The following HELZ variants were observed in gnomAD, a reference collection of about 807,000 sequenced individuals.
HELZ encodes helicase with zinc finger.
A neutral mutation model predicts 218.2 loss-of-function variants in HELZ; 23 were observed. The ratio of observed to expected loss-of-function variants is 0.11; its 90% CI spans 0.08 to 0.15. HELZ has a LOEUF of 0.15. HELZ is among the 10% of genes least tolerant of loss of function. The probability of loss-of-function intolerance (pLI) is 1.00; values close to 1 mark genes in which losing one functional copy is unlikely to be tolerated. For missense variants in HELZ, 1,813 were observed against 2,353.7 expected (o/e 0.77, Z 4.75); for synonymous variants, 814 against 829.4 (o/e 0.98, Z 0.32).
chr17:67,222,452 C>T (rs1382900710), intron 3 of HELZ, among the ~76,000 whole-genome samples: 7 of 152,084 alleles, frequency 4.6e-5, no homozygotes, highest in East Asian at 1.9e-4. Flanking sequence ...AGAGATTAAG[C>T]GCAGAACTAT....
intron 30 of HELZ, among the ~76,000 whole-genome samples, chr17:67,107,924 T>C (rs1375531799): frequency 6.6e-6 from 1 of 152,188 alleles, no homozygotes; most frequent in African/African-American, 2.4e-5. Context: ...TCTGTCCTTG[T>C]CTCTATACAG....
intron 3 of HELZ, among the ~76,000 whole-genome samples, chr17:67,230,300 C>T (rs2041001593): frequency 6.6e-6 from 1 of 152,036 alleles, no homozygotes; most frequent in East Asian, 1.9e-4. Flanking sequence ...AAAACCCATA[C>T]TTAAGAAGCA....
intron 31 of HELZ, among the ~76,000 whole-genome samples, chr17:67,104,460 T>C (rs1225635089): frequency 2.1e-5 from 3 of 146,254 alleles, no homozygotes; most frequent in African/African-American, 5.0e-5. Context: ...CAAACAACTA[T>C]AAAAAGGAAA....
intron 15 of HELZ, among the ~76,000 whole-genome samples, chr17:67,164,366 T>G (rs1199776352): frequency 1.3e-5 from 2 of 152,186 alleles, no homozygotes; most frequent in East Asian, 1.9e-4. Context: ...GACTCAATCT[T>G]AAAGGATAGA....
intron 15 of HELZ, 134 bp from the exon 16 acceptor site, chr17:67,161,210 T>C: frequency 1.6e-6 from 1 of 610,058 alleles, no homozygotes; most frequent in Non-Finnish European, 2.7e-6. Context: ...CAAATGCTTA[T>C]TCTAAAGCTA....
chr17:67,116,256 G>A (rs2037423075), intron 27 of HELZ, among the ~76,000 whole-genome samples: 1 of 149,690 alleles, frequency 6.7e-6, no homozygotes, highest in Non-Finnish European at 1.5e-5. Flanking sequence ...AGAATAAAAG[G>A]AGAAGGCGGA....
At chr17:67,220,858 C>A (rs566443255) in intron 3 of HELZ, among the ~76,000 whole-genome samples, 5 of 144,948 alleles carry the variant, frequency 3.4e-5, no homozygotes, top group Admixed American at 6.8e-5. Flanking sequence ...CTCCCCCCCC[C>A]CCAAAAAAAA....
chr17:67,212,314 CAAAA>C lies in HELZ; in HGVS notation c.247+3581_247+3584del, dbSNP rs10692832. On this transcript the variant is annotated intron_variant, in intron 5 of 32. Transcript: ENST00000358691. ...TGGGCGACAGGGAGAGACACCATCT[CAAAA>C]AAAAAAAAAAAAAAAAAGGCTACAC... 4.4e-3 allele frequency among the ~76,000 whole-genome samples: 94 copies of C among 21,410 alleles called. 3 individuals carry two copies. The highest frequency in any genetic ancestry group is 0.035 in the South Asian group (8 of 226). The allele number at this position is 21,410 out of a possible 152,430, so 14.0% of individuals were successfully genotyped here. A position where few individuals can be genotyped will look rare whatever the true frequency, so the allele number is the denominator to read the frequency against.
chr17:67,238,969 A>G (rs901491824), intron 3 of HELZ, among the ~76,000 whole-genome samples: 2 of 152,224 alleles, frequency 1.3e-5, no homozygotes, highest in African/African-American at 2.4e-5. Flanking sequence ...GTTTCTATTG[A>G]TATGTTCTCC....
Position 67,193,194 on chromosome 17 carries a change from A to T in HELZ, c.557+773T>A, listed in dbSNP as rs547155390. On this transcript the variant is annotated intron_variant, in intron 9 of 32. Transcript: ENST00000358691. ...CCCATCTCTACAAAAAAAATACAAA[A>T]ATCAGCCAGGCTTGGTGGCACACGC... Among the ~76,000 whole-genome samples the T allele has an allele frequency of 1.7e-4, 26 of 151,856 alleles. No homozygotes were observed. The South Asian group carries it at 5.4e-3, about 32-fold the overall frequency.
At position 67,109,441 on chromosome 17, in the gene HELZ, A is replaced by G. The variant is rs1370109353; in HGVS notation, c.4164T>C (p.Pro1388=). The G allele has an allele frequency of 3.1e-6, 5 of 1,614,040 alleles. No homozygotes were observed. The highest frequency in any genetic ancestry group is 1.7e-5 in the Admixed American group (1 of 59,990). ...TLLNQQQNNL[P]EQPNQIPPQP... ...GAGGTGGTATCTGATTTGGTTGTTCAGGCAAATTATTCTGCTGCTGATTTA... is the reference window on the plus strand; with the variant it reads ...GAGGTGGTATCTGATTTGGTTGTTCGGGCAAATTATTCTGCTGCTGATTTA... The change falls in exon 29 of 33, where the codon CCT becomes CCC. Residue 1388 remains proline (P), a synonymous_variant. Coordinates refer to ENST00000358691, the MANE Select transcript of HELZ (RefSeq NM_014877.4).
chr17:67,204,205 A>C (rs1392498645), intron 5 of HELZ, among the ~76,000 whole-genome samples: 1 of 152,230 alleles, frequency 6.6e-6, no homozygotes, highest in Non-Finnish European at 1.5e-5. Context: ...ATTATTTCCA[A>C]GGAAATGTTT....
chr17:67,113,219 TGAG>T (rs1412740494), intron 28 of HELZ, among the ~76,000 whole-genome samples: 1 of 151,748 alleles, frequency 6.6e-6, no homozygotes, highest in Non-Finnish European at 1.5e-5. Flanking sequence ...CAAAGATAAA[TGAG>T]GAGAAGGGAC....
chr17:67,225,799 T>G (rs2040873327), intron 3 of HELZ, among the ~76,000 whole-genome samples: 1 of 152,202 alleles, frequency 6.6e-6, no homozygotes, highest in South Asian at 2.1e-4. Flanking sequence ...GTTCTAAAAT[T>G]GATTCATCTT....
chr17:67,134,897 C>T (rs978210951), intron 23 of HELZ, among the ~76,000 whole-genome samples: 2 of 152,054 alleles, frequency 1.3e-5, no homozygotes, highest in South Asian at 4.1e-4. Context: ...CAGGTACTAG[C>T]ACACTTATAA....
chr17:67,096,831 CA>C (rs1390417924), intron 31 of HELZ, among the ~76,000 whole-genome samples: 1 of 152,234 alleles, frequency 6.6e-6, no homozygotes, highest in Non-Finnish European at 1.5e-5. Context: ...TGTTTCATTA[CA>C]TTCTTATCAT....
intron 31 of HELZ, among the ~76,000 whole-genome samples, chr17:67,106,926 T>C (rs117688562): frequency 0.014 from 2,076 of 152,318 alleles, 19 homozygotes; most frequent in Middle Eastern, 0.034. Flanking sequence ...TCCTCAGATA[T>C]TCAATATTTT....
chr17:67,123,835 G>GTA (rs1431310728), intron 25 of HELZ, 128 bp downstream of exon 25: 40 of 724,978 alleles, frequency 5.5e-5, no homozygotes, highest in Non-Finnish European at 9.2e-5. Context: ...GTGTGTGTGT[G>GTA]TGTGTGTGTG....
chr17:67,086,803 AG>A, intron 32 of HELZ, 25 bp downstream of exon 32: 1 of 1,611,384 alleles, frequency 6.2e-7, no homozygotes, highest in Middle Eastern at 1.7e-4. Context: ...AGTACAGATT[AG>A]TTTTAGCCAC....
Sources: gnomAD v4.1 joint callset for allele counts (sites outside exome capture counted in the v4.1 genomes callset) on GRCh38, gnomAD v4.1.1 for gene constraint, MANE v1.5 for transcripts, NCBI Gene and HGNC (gene_info 2026-07-23, HGNC 2026-07-21) for gene names.